NCKAP5: variants seen among roughly 807,000 people sequenced by gnomAD.
NCKAP5 encodes the protein NCK associated protein 5.
A neutral mutation model predicts 167.0 loss-of-function variants in NCKAP5; 92 were observed. That is an observed-to-expected ratio of 0.55 (90% CI 0.47 to 0.66). The LOEUF (loss-of-function observed/expected upper bound fraction) is 0.66, where lower values mean the gene tolerates loss of function less well. Among genes scored for constraint, NCKAP5 ranks in the 30% least tolerant of loss-of-function variants. NCKAP5 has a pLI of 0.00. For synonymous variants in NCKAP5, 891 were observed against 877.4 expected (o/e 1.02, Z -0.27); for missense variants, 2,378 against 2,315.0 (o/e 1.03, Z -0.56).
chr2:133,220,188 C>A lies in NCKAP5; in HGVS notation c.144-6409G>T, dbSNP rs546364975. Among the ~76,000 whole-genome samples the A allele has an allele frequency of 1.1e-4, 17 of 152,354 alleles. 1 individual carries two copies. The South Asian group carries it at 3.5e-3, about 32-fold the overall frequency. On this transcript the variant is annotated intron_variant, in intron 4 of 19. Coordinates refer to ENST00000409261, the MANE Select transcript of NCKAP5 (RefSeq NM_207363.3). ...AACAGACAACTGTGCTTCTGCAATG[C>A]ATCACTGTTTTGTTTTGTTTGTGGC...
chr2:133,135,126 C>A (rs946343687), intron 5 of NCKAP5, among the ~76,000 whole-genome samples: 5 of 152,128 alleles, frequency 3.3e-5, no homozygotes, highest in African/African-American at 1.2e-4. Context: ...ATAAATACGG[C>A]AGTATAAACT....
At chr2:133,558,828 G>C (rs1446698826) in intron 2 of NCKAP5, among the ~76,000 whole-genome samples, 1 of 148,572 alleles carries the variant, frequency 6.7e-6, no homozygotes, top group Non-Finnish European at 1.5e-5. Context: ...ATACTCATTT[G>C]TGCCAAAATA....
At chr2:133,192,086 G>A (rs1205544848) in intron 5 of NCKAP5, among the ~76,000 whole-genome samples, 1 of 152,058 alleles carries the variant, frequency 6.6e-6, no homozygotes, top group African/African-American at 2.4e-5. Context: ...TGTGTTATCA[G>A]TGGAGGGACG....
chr2:132,679,854 G>C (rs540267575), intron 19 of NCKAP5, among the ~76,000 whole-genome samples: 2 of 152,092 alleles, frequency 1.3e-5, no homozygotes, highest in Admixed American at 6.6e-5. Context: ...TTAAGCCAAG[G>C]TCTCTTAGTT....
chr2:133,309,356 C>T (rs912938555), intron 3 of NCKAP5, among the ~76,000 whole-genome samples: 4 of 152,220 alleles, frequency 2.6e-5, no homozygotes, highest in African/African-American at 9.6e-5. Context: ...CACAAGGAAA[C>T]CATTTCCTTT....
intron 11 of NCKAP5, among the ~76,000 whole-genome samples, chr2:132,841,227 A>AT (rs149224236): frequency 2.0e-5 from 3 of 151,928 alleles, no homozygotes; most frequent in Non-Finnish European, 2.9e-5. Flanking sequence ...ATACAATTCC[A>AT]TTTTTTTGTG....
intron 19 of NCKAP5, chr2:132,714,779 C>T (rs1689200325): frequency 2.3e-6 from 1 of 433,420 alleles, no homozygotes; most frequent in Admixed American, 2.6e-5. Flanking sequence ...TGCCACTGCA[C>T]TCCAGTCTGG....
intron 5 of NCKAP5, among the ~76,000 whole-genome samples, chr2:133,177,476 C>T (rs11901784): frequency 0.029 from 4,403 of 152,156 alleles, 197 homozygotes; most frequent in African/African-American, 0.1. Flanking sequence ...ACTTTACCCC[C>T]TTAAACCACA....
intron 2 of NCKAP5, among the ~76,000 whole-genome samples, chr2:133,557,818 TCA>T (rs1248469848): frequency 6.6e-6 from 1 of 152,172 alleles, no homozygotes; most frequent in African/African-American, 2.4e-5. Flanking sequence ...ACTACTGGGA[TCA>T]CAGACACTGC....
rs1478700645 is a variant in NCKAP5 at position 132,784,359 on chromosome 2, C to T, written c.2452G>A (p.Glu818Lys). 1 of 1,613,944 alleles carries T rather than the reference C, an allele frequency of 6.2e-7. No individual in the cohort carries two copies. The highest frequency in any genetic ancestry group is 1.3e-5 in the African/African-American group (1 of 75,022). Residue 818 changes from glutamate (E) to lysine (K), a missense_variant, in exon 14 of 20, where the codon GAG becomes AAG. Transcript: ENST00000409261. Reference protein sequence around the residue: ...KSSPQKSKLMEPEATTLLPSS... With the variant: ...KSSPQKSKLMKPEATTLLPSS... ...GGGAGTAGTGTGGTGGCTTCGGGCT[C>T]CATTAGTTTTGATTTCTGAGGTGAA...
At chr2:133,285,043 C>G (rs774598320) in intron 4 of NCKAP5, among the ~76,000 whole-genome samples, 4 of 152,078 alleles carry the variant, frequency 2.6e-5, no homozygotes, top group Non-Finnish European at 4.4e-5. Flanking sequence ...TGTCAGAAAC[C>G]CTCTATCATA....
chr2:133,541,697 A>G (rs1020677449), intron 2 of NCKAP5, among the ~76,000 whole-genome samples: 2 of 152,112 alleles, frequency 1.3e-5, no homozygotes, highest in Non-Finnish European at 2.9e-5. Context: ...AAAAAATAAG[A>G]AAAAGAGTAA....
In NCKAP5 at chr2:133,422,273, T is replaced by C. The variant is rs191151199; in HGVS notation, c.69+95185A>G. 2.3e-3 allele frequency among the ~76,000 whole-genome samples: 351 copies of C among 152,380 alleles called. 2 individuals carry two copies. The highest frequency in any genetic ancestry group is 7.6e-3 in the African/African-American group (317 of 41,594). On this transcript the variant is annotated intron_variant, in intron 3 of 19. Transcript: ENST00000409261. ...CTTACTCCCAGCACAGGTTGCTCTA[T>C]GTTCCTACAGATGAACAGGATTGCT...
chr2:133,247,789 G>C (rs1171575931), intron 4 of NCKAP5, among the ~76,000 whole-genome samples: 1 of 152,182 alleles, frequency 6.6e-6, no homozygotes, highest in Non-Finnish European at 1.5e-5. Context: ...ATGCTCCATA[G>C]TTCTGCAATT....
chr2:133,259,576 G>A (rs2088802332), intron 4 of NCKAP5, among the ~76,000 whole-genome samples: 1 of 152,172 alleles, frequency 6.6e-6, no homozygotes, highest in African/African-American at 2.4e-5. Flanking sequence ...GTGACTGAGG[G>A]ATGTCCTCAA....
At chr2:133,353,558 C>T (rs918393194) in intron 3 of NCKAP5, among the ~76,000 whole-genome samples, 5 of 152,112 alleles carry the variant, frequency 3.3e-5, no homozygotes, top group Non-Finnish European at 7.3e-5. Context: ...GACCCATGGC[C>T]CTAAGTGGGA....
At position 132,937,772 on chromosome 2, in the gene NCKAP5, TA is replaced by T. The variant is rs144685607; in HGVS notation, c.579+25947del. ...GTGTGCAACAGGATATAGTGGAATG[TA>T]AACTATTGGGCTTCCACCAAAGATT... On this transcript the variant is annotated intron_variant, in intron 8 of 19. Coordinates refer to ENST00000409261, the MANE Select transcript of NCKAP5 (RefSeq NM_207363.3). Among the ~76,000 whole-genome samples the T allele has an allele frequency of 3.1e-3, 465 of 152,350 alleles. 2 individuals carry two copies. Among genetic ancestry groups the T allele is most frequent in the African/African-American group, 0.011 (443 of 41,586 alleles).
chr2:133,243,479 T>C (rs781271610), intron 4 of NCKAP5, among the ~76,000 whole-genome samples: 1 of 152,212 alleles, frequency 6.6e-6, no homozygotes, highest in Non-Finnish European at 1.5e-5. Flanking sequence ...GTGTTTTCTT[T>C]TGATTCAGTC....
intron 3 of NCKAP5, among the ~76,000 whole-genome samples, chr2:133,335,104 C>T (rs1048560867): frequency 2.1e-4 from 32 of 152,198 alleles, no homozygotes; most frequent in African/African-American, 7.7e-4. Flanking sequence ...TGTTGTCATT[C>T]CCATTGTTTA....
Sources: allele counts gnomAD v4.1 joint callset (sites outside exome capture counted in the v4.1 genomes callset), GRCh38; gene constraint gnomAD v4.1.1; transcripts MANE v1.5; gene names NCBI Gene and HGNC (gene_info 2026-07-23, HGNC 2026-07-21).